The following CCDC85C variants were observed in gnomAD, a reference collection of about 807,000 sequenced individuals.
CCDC85C encodes the protein coiled-coil domain containing 85C, also known as coiled-coil domain-containing protein 85C.
CCDC85C carries 18 observed loss-of-function variants against 38.3 expected under a neutral mutation model. That is an observed-to-expected ratio of 0.47 (90% CI 0.33 to 0.70). CCDC85C has a LOEUF of 0.70. Among genes scored for constraint, CCDC85C ranks in the 30% least tolerant of loss-of-function variants. CCDC85C has a pLI of 0.03. For synonymous variants in CCDC85C, 264 were observed against 293.8 expected (o/e 0.90, Z 1.04); for missense variants, 566 against 621.2 (o/e 0.91, Z 0.94).
At chr14:99,599,233 G>A (rs1002672402) in intron 1 of CCDC85C, among the ~76,000 whole-genome samples, 14 of 152,084 alleles carry the variant, frequency 9.2e-5, no homozygotes, top group African/African-American at 3.4e-4. Context: ...ATTTTGAGAA[G>A]CTCAAAATTT....
chr14:99,587,325 A>G (rs4905861), intron 1 of CCDC85C, among the ~76,000 whole-genome samples: 145,376 of 152,338 alleles, frequency 0.95, 69,771 homozygotes, highest in East Asian at 1. Context: ...TTAACTGTCT[A>G]CTAAAGCCCT....
chr14:99,560,295 C>T (rs961146646), intron 1 of CCDC85C, among the ~76,000 whole-genome samples: 17 of 152,194 alleles, frequency 1.1e-4, no homozygotes, highest in Admixed American at 6.5e-5. Flanking sequence ...AAGGGGCAGC[C>T]AGGAGGTGGG....
In CCDC85C at chr14:99,504,268, T is replaced by C. The variant is rs1328807883; in HGVS notation, c.*10978A>G. On this transcript the variant is annotated 3_prime_UTR_variant, in exon 6 of 6. Transcript: ENST00000380243. The stretch of plus-strand genomic sequence containing the variant: ...CTGAACTCTTTGAAGGCACAGACCC[T>C]ATTGACTCATTTGTCTTTCTTTGTT... 2 of 156,118 alleles carry C rather than the reference T, an allele frequency of 1.3e-5. No individual in the cohort carries two copies. Among genetic ancestry groups the C allele is most frequent in the Non-Finnish European group, 2.9e-5 (2 of 69,962 alleles). 9.7% of individuals were successfully genotyped at this position (156,118 alleles called of 1,614,324 possible). A position where few individuals can be genotyped will look rare whatever the true frequency, so the allele number is the denominator to read the frequency against.
At position 99,544,918 on chromosome 14, in the gene CCDC85C, G is replaced by A. The variant is rs967930595; in HGVS notation, c.794-8830C>T. 1.3e-5 allele frequency among the ~76,000 whole-genome samples: 2 copies of A among 152,072 alleles called. No individual in the cohort carries two copies. The highest frequency in any genetic ancestry group is 4.8e-5 in the African/African-American group (2 of 41,398). ...TCATGGGAACCTAAAGTCCCACCTC[G>A]CGGATGCATGCAAAAACGGAGCTGC... is the stretch of plus-strand genomic sequence containing the variant. On this transcript the variant is annotated intron_variant, in intron 1 of 5. Coordinates refer to ENST00000380243, the MANE Select transcript of CCDC85C (RefSeq NM_001144995.2). The surrounding 1 kb of genome is among the most constrained non-coding windows in gnomAD (Gnocchi z 5.3).
In CCDC85C at chr14:99,501,532, G is replaced by A. The variant is rs1222043676; in HGVS notation, c.*13714C>T. The A allele has an allele frequency of 5.6e-6, 4 of 716,898 alleles. No homozygotes were observed. The highest frequency in any genetic ancestry group is 9.4e-6 in the Non-Finnish European group (4 of 424,804). The allele number at this position is 716,898 out of a possible 1,614,324, so 44.4% of individuals were successfully genotyped here. A position where few individuals can be genotyped will look rare whatever the true frequency, so the allele number is the denominator to read the frequency against. On this transcript the variant is annotated 3_prime_UTR_variant, in exon 6 of 6. Transcript: ENST00000380243. ...AGAAACTGACTTGCCCTGGCTTGAG[G>A]AGCCAGTTAATGGCAAAGCTGGGGC...
intron 1 of CCDC85C, among the ~76,000 whole-genome samples, chr14:99,598,832 C>G (rs762982550): frequency 6.6e-6 from 1 of 152,214 alleles, no homozygotes; most frequent in Non-Finnish European, 1.5e-5. Context: ...TTTGGAAGCT[C>G]TGAACAGAAT....
chr14:99,540,892 G>A (rs8015648), intron 1 of CCDC85C, among the ~76,000 whole-genome samples: 2,707 of 152,282 alleles, frequency 0.018, 87 homozygotes, highest in African/African-American at 0.062. Flanking sequence ...GCGCTGTGCC[G>A]GCTCCATCCC....
Position 99,516,471 on chromosome 14 carries a change from G to A in CCDC85C, c.1072-185C>T, listed in dbSNP as rs1897227197. Among the ~76,000 whole-genome samples, 1 of 152,156 alleles carries A rather than the reference G, an allele frequency of 6.6e-6. No homozygotes were observed. Among genetic ancestry groups the A allele is most frequent in the Non-Finnish European group, 1.5e-5 (1 of 68,020 alleles). On this transcript the variant is annotated intron_variant, in intron 4 of 5. Transcript: ENST00000380243. The surrounding 1 kb of genome is among the most constrained non-coding windows in gnomAD (Gnocchi z 5.5). ...GTTGTCATCTCACCCTGCTGACACT[G>A]GATGCCCTACAAGGGAAGCAGCTCA...
At position 99,515,099 on chromosome 14, in the gene CCDC85C, C is replaced by A; in HGVS notation, c.*147G>T. Reference sequence around the variant, plus strand: ...GGCCAGTGCATCGGACCCATGGCAGCTGGGCCAGGGCGGGCAGCGTCCTAT... The same window carrying A: ...GGCCAGTGCATCGGACCCATGGCAGATGGGCCAGGGCGGGCAGCGTCCTAT... On this transcript the variant is annotated 3_prime_UTR_variant, in exon 6 of 6. Coordinates refer to ENST00000380243, the MANE Select transcript of CCDC85C (RefSeq NM_001144995.2). The A allele has an allele frequency of 1.7e-6, 1 of 602,202 alleles. No homozygotes were observed. 37.3% of individuals were successfully genotyped at this position (602,202 alleles called of 1,614,324 possible).
Position 99,588,067 on chromosome 14 carries a change from T to A in CCDC85C, c.793+15100A>T, listed in dbSNP as rs1397771676. Among the ~76,000 whole-genome samples the A allele has an allele frequency of 1.3e-5, 2 of 152,036 alleles. No individual in the cohort carries two copies. Among genetic ancestry groups the A allele is most frequent in the African/African-American group, 4.8e-5 (2 of 41,406 alleles). The stretch of plus-strand genomic sequence containing the variant: ...GAATCCCCTTCCACACCCCCAGGCC[T>A]GCACAGGCCTCCTGGGCCGGATTCC... On this transcript the variant is annotated intron_variant, in intron 1 of 5. Coordinates refer to ENST00000380243, the MANE Select transcript of CCDC85C (RefSeq NM_001144995.2). This position sits in a 1 kb window ranked among gnomAD's most constrained non-coding sequence, Gnocchi z 5.0.
chr14:99,581,812 C>G (rs1391993685), intron 1 of CCDC85C, among the ~76,000 whole-genome samples: 1 of 152,206 alleles, frequency 6.6e-6, no homozygotes, highest in Admixed American at 6.5e-5. Flanking sequence ...GTGCCATCTT[C>G]GGGCTGCGTG....
intron 1 of CCDC85C, among the ~76,000 whole-genome samples, chr14:99,563,137 T>G (rs1419216825): frequency 3.3e-5 from 5 of 152,008 alleles, no homozygotes; most frequent in Non-Finnish European, 7.4e-5. Flanking sequence ...TCTGGAAGGG[T>G]AGAGGGGGAT....
At chr14:99,529,060 G>A (rs1897444543) in intron 2 of CCDC85C, among the ~76,000 whole-genome samples, 1 of 152,206 alleles carries the variant, frequency 6.6e-6, no homozygotes, top group Admixed American at 6.5e-5. Flanking sequence ...TTCAGCTGGG[G>A]GTCCAGAGAC....
intron 1 of CCDC85C, among the ~76,000 whole-genome samples, chr14:99,563,386 A>G (rs952411553): frequency 1.3e-5 from 2 of 152,278 alleles, no homozygotes; most frequent in African/African-American, 4.8e-5. Flanking sequence ...AGGACCCAGC[A>G]GGGCTGTGGG....
At chr14:99,602,883 C>T (rs1397913116) in intron 1 of CCDC85C, among the ~76,000 whole-genome samples, 1 of 152,208 alleles carries the variant, frequency 6.6e-6, no homozygotes, top group African/African-American at 2.4e-5. Flanking sequence ...AGTGACAGAC[C>T]CTAATTTTGG....
chr14:99,543,986 C>T (rs1022244002), intron 1 of CCDC85C, among the ~76,000 whole-genome samples: 16 of 152,120 alleles, frequency 1.1e-4, no homozygotes, highest in African/African-American at 2.9e-4. Flanking sequence ...GTGCCCTGGG[C>T]GTGGAAAAGA....
chr14:99,598,076 T>C (rs544142894), intron 1 of CCDC85C, among the ~76,000 whole-genome samples: 2 of 145,832 alleles, frequency 1.4e-5, no homozygotes, highest in South Asian at 4.2e-4. Context: ...GAGGGCTACA[T>C]GCCCCTCGGC....
In CCDC85C at chr14:99,533,895, G is replaced by A. The variant is rs751126562; in HGVS notation, c.867+2120C>T. Among the ~76,000 whole-genome samples the A allele has an allele frequency of 4.6e-5, 7 of 152,378 alleles. No homozygotes were observed. Among genetic ancestry groups the A allele is most frequent in the East Asian group, 1.9e-4 (1 of 5,184 alleles). On this transcript the variant is annotated intron_variant, in intron 2 of 5. Transcript: ENST00000380243. The surrounding 1 kb of genome is among the most constrained non-coding windows in gnomAD (Gnocchi z 4.2). ...AAGAAGGGCTGCTCCTCCACAGCCCGCTTGGGCGCAGGTTTTCTGCAAGTC... is the reference window on the plus strand; with the variant it reads ...AAGAAGGGCTGCTCCTCCACAGCCCACTTGGGCGCAGGTTTTCTGCAAGTC...
rs958124797 is a variant in CCDC85C, at chr14:99,548,608, G to A, written c.794-12520C>T. On this transcript the variant is annotated intron_variant, in intron 1 of 5. Transcript: ENST00000380243. This position sits in a 1 kb window ranked among gnomAD's most constrained non-coding sequence, Gnocchi z 4.9. ...AACCACCCAAATGCCCTCCCCAGGA[G>A]ACCAGACAAATTGTCGTTTAACCCA... is the stretch of plus-strand genomic sequence containing the variant. 6.6e-6 allele frequency among the ~76,000 whole-genome samples: 1 copy of A among 151,468 alleles called. No individual in the cohort carries two copies. Among genetic ancestry groups the A allele is most frequent in the African/African-American group, 2.4e-5 (1 of 41,198 alleles).
Sources: allele counts gnomAD v4.1 joint callset (sites outside exome capture counted in the v4.1 genomes callset), GRCh38; gene constraint gnomAD v4.1.1; non-coding constraint Gnocchi (gnomAD v3.1); transcripts MANE v1.5; gene names NCBI Gene and HGNC (gene_info 2026-07-23, HGNC 2026-07-21).